Variants in JPH3 observed in about 807,000 individuals in gnomAD.
JPH3 encodes junctophilin 3.
JPH3 carries 11 observed loss-of-function variants against 59.6 expected under a neutral mutation model. That is an observed-to-expected ratio of 0.18 (90% CI 0.12 to 0.31). The LOEUF (loss-of-function observed/expected upper bound fraction) is 0.31, where lower values mean the gene tolerates loss of function less well. JPH3 is among the 10% of genes least tolerant of loss of function. The pLI, the probability that JPH3 is intolerant of heterozygous loss-of-function variation, is 1.00. For missense variants in JPH3, 1,202 were observed against 1,105.7 expected (o/e 1.09, Z -1.24); for synonymous variants, 673 against 483.6 (o/e 1.39, Z -5.14).
intron 2 of JPH3, among the ~76,000 whole-genome samples, chr16:87,680,705 A>C (rs976654784): frequency 6.6e-6 from 1 of 152,202 alleles, no homozygotes; most frequent in African/African-American, 2.4e-5. Flanking sequence ...TACCCCTTGG[A>C]GAACTGGGTG....
chr16:87,648,049 T>A (rs1455766669), intron 2 of JPH3, among the ~76,000 whole-genome samples: 2 of 152,108 alleles, frequency 1.3e-5, no homozygotes, highest in East Asian at 3.9e-4. Context: ...TTGCACCATC[T>A]CCATTGGTGT....
intron 2 of JPH3, among the ~76,000 whole-genome samples, chr16:87,680,352 C>CTGAGCCCGGAAGGAAGCGGTG (rs2033255891): frequency 6.6e-6 from 1 of 150,922 alleles, no homozygotes; most frequent in South Asian, 2.1e-4. Flanking sequence ...TGTGGAGGGG[C>CTGAGCCCGGAAGGAAGCGGTG]TGCGCCCGGA....
chr16:87,605,262 G>A (rs2030476156), intron 1 of JPH3, among the ~76,000 whole-genome samples: 1 of 152,182 alleles, frequency 6.6e-6, no homozygotes, highest in Admixed American at 6.5e-5. Context: ...AATATCTGGG[G>A]GTGAGGCTGA....
chr16:87,687,566 C>T (rs1053895150), intron 3 of JPH3, among the ~76,000 whole-genome samples: 8 of 152,236 alleles, frequency 5.3e-5, no homozygotes, highest in African/African-American at 1.9e-4. Context: ...CCATCCGCCC[C>T]CGCCCCAGAG....
In JPH3 at chr16:87,639,642, G is replaced by GCCTGTCCTCCCT. The variant is rs1348757372; in HGVS notation, c.383-4605_383-4604insTCCTGTCCTCCC. ...CTCCTGGCCTCCCTCCTGGCCTCCC[G>GCCTGTCCTCCCT]CCTGTCCTCCCGCCTGTCCTCCCTC... On this transcript the variant is annotated intron_variant, in intron 1 of 4. Transcript: ENST00000284262. 6.8e-3 allele frequency among the ~76,000 whole-genome samples: 654 copies of GCCTGTCCTCCCT among 95,558 alleles called. 5 individuals are homozygous for GCCTGTCCTCCCT. Among genetic ancestry groups the GCCTGTCCTCCCT allele is most frequent in the African/African-American group, 0.021 (633 of 30,822 alleles). The allele number at this position is 95,558 out of a possible 152,430, so 62.7% of individuals were successfully genotyped here.
At chr16:87,641,447 C>T (rs750450821) in intron 1 of JPH3, among the ~76,000 whole-genome samples, 2 of 152,180 alleles carry the variant, frequency 1.3e-5, no homozygotes, top group Non-Finnish European at 2.9e-5. Flanking sequence ...GAATGACCGA[C>T]CAGTGTGGGA....
intron 4 of JPH3, chr16:87,696,037 G>C: frequency 2.2e-6 from 1 of 456,194 alleles, no homozygotes; most frequent in Non-Finnish European, 4.4e-6. Context: ...GTTGGCGTGA[G>C]GGGTTTGTTG....
chr16:87,657,454 A>G (rs542579915), intron 2 of JPH3, among the ~76,000 whole-genome samples: 1 of 152,226 alleles, frequency 6.6e-6, no homozygotes, highest in East Asian at 1.9e-4. Flanking sequence ...GGGCGACGAC[A>G]GTACCCTGCA....
At chr16:87,614,190 C>G (rs534122534) in intron 1 of JPH3, among the ~76,000 whole-genome samples, 2 of 151,564 alleles carry the variant, frequency 1.3e-5, no homozygotes, top group Admixed American at 6.6e-5. Context: ...CCTGCAGATA[C>G]GAGGAGCCGC....
chr16:87,625,064 G>T (rs1201068499), intron 1 of JPH3, among the ~76,000 whole-genome samples: 1 of 152,244 alleles, frequency 6.6e-6, no homozygotes, highest in Non-Finnish European at 1.5e-5. Context: ...CTCCCAAAGT[G>T]CTGGGATTAC....
chr16:87,692,421 C>G (rs1485044382), intron 4 of JPH3, among the ~76,000 whole-genome samples: 1 of 152,210 alleles, frequency 6.6e-6, no homozygotes, highest in Admixed American at 6.5e-5. Flanking sequence ...TTCAGTGCCA[C>G]CCCCTCACAG....
intron 3 of JPH3, among the ~76,000 whole-genome samples, chr16:87,685,028 C>T (rs914731347): frequency 4.6e-5 from 7 of 152,294 alleles, no homozygotes; most frequent in South Asian, 2.1e-4. Flanking sequence ...GAGCGGTATT[C>T]GGATGAGGCT....
chr16:87,674,145 T>C (rs1203921976), intron 2 of JPH3, among the ~76,000 whole-genome samples: 1 of 151,542 alleles, frequency 6.6e-6, no homozygotes, highest in Non-Finnish European at 1.5e-5. Flanking sequence ...CCATCCTGGC[T>C]AACACGGTGA....
chr16:87,658,740 C>G (rs1278990705), intron 2 of JPH3, among the ~76,000 whole-genome samples: 1 of 152,172 alleles, frequency 6.6e-6, no homozygotes, highest in African/African-American at 2.4e-5. Context: ...GAAGAGCTGC[C>G]TTTCCTAAGC....
Position 87,644,935 on chromosome 16 carries a change from C to T in JPH3, c.1060C>T (p.Leu354=), listed in dbSNP as rs771680407. The T allele has an allele frequency of 6.2e-7, 1 of 1,612,480 alleles. No homozygotes were observed. ...VGGKRKNLIP[L]RASKIREKVD... The stretch of plus-strand genomic sequence containing the variant: ...CGGCAAGCGCAAGAACCTCATCCCC[C>T]TGCGGGCCAGCAAGATCCGCGAGAA... The change falls in exon 2 of 5, where the codon CTG becomes TTG. Residue 354 remains leucine, a synonymous_variant. Transcript: ENST00000284262.
At chr16:87,639,467 T>C (rs964198689) in intron 1 of JPH3, among the ~76,000 whole-genome samples, 2 of 152,218 alleles carry the variant, frequency 1.3e-5, no homozygotes, top group South Asian at 2.1e-4. Context: ...CCCGTCTCAG[T>C]CATCTTCACG....
intron 2 of JPH3, among the ~76,000 whole-genome samples, chr16:87,669,698 G>A (rs1389820890): frequency 1.3e-5 from 2 of 152,182 alleles, no homozygotes; most frequent in South Asian, 4.1e-4. Flanking sequence ...TGGTCAGAGC[G>A]GGAGGCAGGA....
At chr16:87,603,660 T>C (rs898214296) in intron 1 of JPH3, 132 bp downstream of exon 1, 11 of 1,171,548 alleles carry the variant, frequency 9.4e-6, no homozygotes, top group Non-Finnish European at 1.3e-5. Context: ...TTTCCCGGGC[T>C]TCCCTGGAAG....
intron 1 of JPH3, among the ~76,000 whole-genome samples, chr16:87,605,629 A>T (rs2030490590): frequency 6.6e-6 from 1 of 152,040 alleles, no homozygotes; most frequent in Non-Finnish European, 1.5e-5. Context: ...TGGGCTCTCC[A>T]CTCCAGCCAG....
Sources: gnomAD v4.1 joint callset for allele counts (sites outside exome capture counted in the v4.1 genomes callset) on GRCh38, gnomAD v4.1.1 for gene constraint, MANE v1.5 for transcripts, NCBI Gene and HGNC (gene_info 2026-07-23, HGNC 2026-07-21) for gene names.